Variants in VPS53 observed in about 807,000 individuals in gnomAD.
VPS53 encodes vacuolar protein sorting-associated protein 53 homolog.
A neutral mutation model predicts 107.0 loss-of-function variants in VPS53; 70 were observed. The observed-to-expected ratio is 0.65, with a 90% CI of 0.54 to 0.80. The LOEUF (loss-of-function observed/expected upper bound fraction) is 0.80, where lower values mean the gene tolerates loss of function less well. VPS53 is among the 30% of genes least tolerant of loss of function. The pLI, the probability that VPS53 is intolerant of heterozygous loss-of-function variation, is 0.00. For missense variants in VPS53, 917 were observed against 1,049.4 expected, an observed-to-expected ratio of 0.87 and a Z score of 1.74; for synonymous variants, 409 against 393.3, an observed-to-expected ratio of 1.04 and a Z score of -0.47.
chr17:509,968 G>T lies in VPS53; in HGVS notation c.*9160C>A, dbSNP rs1336075744. 1.1e-3 allele frequency: 5 copies of T among 4,508 alleles called. No homozygotes were observed. Among genetic ancestry groups the T allele is most frequent in the East Asian group, 6.9e-3 (1 of 144 alleles). 0.3% of individuals were successfully genotyped at this position (4,508 alleles called of 1,614,324 possible). A position where few individuals can be genotyped will look rare whatever the true frequency, so the allele number is the denominator to read the frequency against. ...CTCACCAGTCACATATCAAATCCTGGCTCGCCCCTCACCAGTCACATATCA... is the reference window on the plus strand; with the variant it reads ...CTCACCAGTCACATATCAAATCCTGTCTCGCCCCTCACCAGTCACATATCA... On this transcript the variant is annotated 3_prime_UTR_variant, in exon 22 of 22. Coordinates refer to ENST00000437048, the MANE Select transcript of VPS53 (RefSeq NM_001128159.3).
intron 13 of VPS53, among the ~76,000 whole-genome samples, chr17:570,074 C>G (rs566972292): frequency 6.6e-6 from 1 of 151,904 alleles, no homozygotes. Context: ...GTAATAAAAA[C>G]GAACATCATA....
intron 7 of VPS53, among the ~76,000 whole-genome samples, chr17:647,238 A>G (rs1035278508): frequency 6.6e-6 from 1 of 152,120 alleles, no homozygotes; most frequent in Non-Finnish European, 1.5e-5. Flanking sequence ...CAGCCTATCA[A>G]TTCCTCTTCT....
chr17:631,428 CAGA>C (rs1009510293), intron 8 of VPS53, 119 bp downstream of exon 8: 7 of 1,034,954 alleles, frequency 6.8e-6, no homozygotes, highest in Admixed American at 5.4e-5. Context: ...GAACCTGCAG[CAGA>C]AGGATTTGCA....
chr17:617,256 T>C (rs1271380826), intron 11 of VPS53, among the ~76,000 whole-genome samples: 1 of 152,088 alleles, frequency 6.6e-6, no homozygotes, highest in East Asian at 1.9e-4. Flanking sequence ...GTGCCACATA[T>C]ATCTACGCTT....
At chr17:690,609 T>A (rs1972743925) in intron 4 of VPS53, among the ~76,000 whole-genome samples, 1 of 152,202 alleles carries the variant, frequency 6.6e-6, no homozygotes, top group Non-Finnish European at 1.5e-5. Flanking sequence ...TCTGCGGACA[T>A]CTGTTTGCGA....
At chr17:712,290 T>C (rs1973674178) in intron 1 of VPS53, among the ~76,000 whole-genome samples, 1 of 151,214 alleles carries the variant, frequency 6.6e-6, no homozygotes, top group East Asian at 1.9e-4. Flanking sequence ...AAGCAGTTCT[T>C]TGCCTCAACC....
At chr17:703,650 T>G (rs550135043) in intron 2 of VPS53, among the ~76,000 whole-genome samples, 10 of 152,326 alleles carry the variant, frequency 6.6e-5, no homozygotes, top group African/African-American at 2.4e-4. Flanking sequence ...TATTTCCTGA[T>G]TCTAATGGTA....
intron 7 of VPS53, among the ~76,000 whole-genome samples, chr17:643,549 AGGACAACACTCATACTTGGAAACCG>A (rs1434717300): frequency 1.1e-4 from 16 of 146,560 alleles, no homozygotes; most frequent in African/African-American, 2.1e-4. Flanking sequence ...TTGGAAACCG[AGGACAACACTCATACTTGGAAACCG>A]AGGACAACAC....
chr17:572,425 C>G (rs1914237111), intron 13 of VPS53, among the ~76,000 whole-genome samples: 1 of 148,888 alleles, frequency 6.7e-6, no homozygotes, highest in Non-Finnish European at 1.5e-5. Context: ...GGGGTCAGCC[C>G]CCCGCCCGGC....
At chr17:659,287 A>T (rs552516453) in intron 5 of VPS53, among the ~76,000 whole-genome samples, 55 of 151,778 alleles carry the variant, frequency 3.6e-4, no homozygotes, top group East Asian at 9.7e-4. Context: ...TTATTTATTT[A>T]TTTTTTTATT....
intron 11 of VPS53, among the ~76,000 whole-genome samples, chr17:618,998 A>G (rs1488081891): frequency 6.8e-6 from 1 of 147,174 alleles, no homozygotes; most frequent in Non-Finnish European, 1.5e-5. Context: ...ACGCCTGCTA[A>G]TATTTCCCGG....
chr17:623,398 A>T, intron 11 of VPS53, 135 bp downstream of exon 11: 1 of 1,056,446 alleles, frequency 9.5e-7, no homozygotes, highest in Non-Finnish European at 1.3e-6. Flanking sequence ...TCACTTTCCC[A>T]GCAGCTCAGT....
At chr17:675,246 G>A (rs901808860) in intron 4 of VPS53, 2 of 151,858 alleles carry the variant, frequency 1.3e-5, no homozygotes, top group African/African-American at 4.8e-5. Context: ...AGTCTTCAAT[G>A]AAAAAAAAGT....
intron 12 of VPS53, among the ~76,000 whole-genome samples, chr17:600,346 T>C (rs1968272119): frequency 6.6e-6 from 1 of 152,228 alleles, no homozygotes; most frequent in Non-Finnish European, 1.5e-5. Context: ...GCGCAAAGCA[T>C]GCTCACAGGG....
intron 12 of VPS53, among the ~76,000 whole-genome samples, chr17:588,851 T>A (rs376795854): frequency 6.6e-6 from 1 of 152,186 alleles, no homozygotes; most frequent in African/African-American, 2.4e-5. Flanking sequence ...GAAGGATCTA[T>A]GATGGAGGAT....
At chr17:599,004 G>C (rs189744223) in intron 12 of VPS53, among the ~76,000 whole-genome samples, 1,332 of 80,244 alleles carry the variant, frequency 0.017, 25 homozygotes, top group African/African-American at 0.047. Flanking sequence ...GGTGGGGGGG[G>C]GGGTCAGCCC....
At chr17:635,262 A>G (rs1186266357) in intron 7 of VPS53, among the ~76,000 whole-genome samples, 1 of 151,986 alleles carries the variant, frequency 6.6e-6, no homozygotes, top group African/African-American at 2.4e-5. Context: ...TTTCTTGTAA[A>G]TTTGTTTGAG....
At chr17:594,170 G>A (rs932080548) in intron 12 of VPS53, among the ~76,000 whole-genome samples, 1 of 151,672 alleles carries the variant, frequency 6.6e-6, no homozygotes, top group Middle Eastern at 3.4e-3. Context: ...GGGGTGGGAG[G>A]AGGGGGGAGG....
intron 17 of VPS53, among the ~76,000 whole-genome samples, chr17:546,789 A>C (rs1911232243): frequency 6.6e-6 from 1 of 152,102 alleles, no homozygotes; most frequent in Non-Finnish European, 1.5e-5. Context: ...ACTTCAGAAA[A>C]CAGTGTGGCA....
Sources: allele counts gnomAD v4.1 joint callset (sites outside exome capture counted in the v4.1 genomes callset), GRCh38; gene constraint gnomAD v4.1.1; transcripts MANE v1.5; gene names NCBI Gene and HGNC (gene_info 2026-07-23, HGNC 2026-07-21).